CD36: variants seen among roughly 807,000 people sequenced by gnomAD.
CD36 encodes the protein platelet glycoprotein 4.
Under a neutral mutation model 55.2 loss-of-function variants are expected in CD36, and 119 were observed. The observed-to-expected ratio is 2.15, with a 90% CI of 1.86 to 2.51. The LOEUF (loss-of-function observed/expected upper bound fraction) is 2.51, where lower values mean the gene tolerates loss of function less well. Among genes scored for constraint, CD36 ranks in the 30% most tolerant of loss-of-function variants. CD36 has a pLI of 0.00. For missense variants in CD36, 819 were observed against 555.5 expected (o/e 1.47, Z -4.77); for synonymous variants, 186 against 193.6 (o/e 0.96, Z 0.33).
chr7:80,663,200 T>C, intron 6 of CD36, 31 bp downstream of exon 6: 1 of 1,542,474 alleles, frequency 6.5e-7, no homozygotes, highest in Non-Finnish European at 9.0e-7. Context: ...GCAATATTAT[T>C]ACATTTTAAT....
Position 80,656,549 on chromosome 7 carries a change from C to A in CD36, c.130C>A (p.Leu44Ile). ...ATTTTCTTTTTCATAGCAAGTTGTCCTCGAAGAAGGTACAATTGCTTTTAA... is the reference window on the plus strand; with the variant it reads ...ATTTTCTTTTTCATAGCAAGTTGTCATCGAAGAAGGTACAATTGCTTTTAA... ...IQKTIKKQVVLEEGTIAFKNW... is the reference protein window; with the variant it reads ...IQKTIKKQVVIEEGTIAFKNW... Residue 44 changes from leucine (L) to isoleucine (I), a missense_variant, in exon 4 of 15, where the codon CTC becomes ATC. Transcript: ENST00000447544. The A allele has an allele frequency of 6.2e-7, 1 of 1,613,400 alleles. No individual in the cohort carries two copies. The highest frequency in any genetic ancestry group is 1.1e-5 in the South Asian group (1 of 91,048).
intron 13 of CD36, 25 bp from the exon 14 acceptor site, chr7:80,673,958 A>G: frequency 6.3e-7 from 1 of 1,595,010 alleles, no homozygotes; most frequent in Non-Finnish European, 8.6e-7. Flanking sequence ...TACCCAAATA[A>G]TGTTGATTAT....
chr7:80,628,239 T>C (rs1793860517), intron 1 of CD36, among the ~76,000 whole-genome samples: 1 of 152,020 alleles, frequency 6.6e-6, no homozygotes, highest in Non-Finnish European at 1.5e-5. Flanking sequence ...CTATTAGGTA[T>C]CAGGCACTAT....
At chr7:80,661,965 C>T (rs1224632467) in intron 5 of CD36, among the ~76,000 whole-genome samples, 1 of 152,134 alleles carries the variant, frequency 6.6e-6, no homozygotes, top group Non-Finnish European at 1.5e-5. Context: ...GCATTTGGTG[C>T]TCACCATTCA....
Position 80,670,685 on chromosome 7 carries a change from CAAAT to C in CD36, c.819-288_819-285del, listed in dbSNP as rs529113900. The C allele has an allele frequency of 3.1e-4, 123 of 399,264 alleles. 1 individual carries two copies. The highest frequency in any genetic ancestry group is 8.8e-4 in the Admixed American group (21 of 23,838). The allele number at this position is 399,264 out of a possible 1,614,324, so 24.7% of individuals were successfully genotyped here. A position where few individuals can be genotyped will look rare whatever the true frequency, so the allele number is the denominator to read the frequency against. On this transcript the variant is annotated intron_variant, in intron 9 of 14. Coordinates refer to ENST00000447544, the MANE Select transcript of CD36 (RefSeq NM_001001548.3). ...GAAACTATTTCATTTAAACTGATCA[CAAAT>C]AAAGTATTTGAAGGAAGTCCTATAA...
Position 80,670,012 on chromosome 7 carries a change from G to A in CD36, c.808G>A (p.Asp270Asn), listed in dbSNP as rs756489185. The stretch of plus-strand genomic sequence containing the variant: ...CCAGGTATTGCAGTTCTTTTCTTCT[G>A]ATATTTGCAGGTAAGACAGATACTG... ...KSQVLQFFSS[D>N]ICRSIYAVFE... The change falls in exon 9 of 15, where the codon GAT becomes AAT. Residue 270 changes from aspartate (D) to asparagine (N), a missense_variant. Asp to Asn is a conservative substitution (Grantham distance 23). Transcript: ENST00000447544. 16 of 1,603,760 alleles carry A rather than the reference G, an allele frequency of 1.0e-5. No homozygotes were observed. In the Admixed American group the frequency reaches 1.5e-4, roughly 15 times the overall value.
rs1554344757 is a variant in CD36, at chr7:80,667,755, T to TG, written c.748+1266_748+1267insG. ...TGCAGGGGTTTTCTTTTGTTTTTTT[T>TG]TTTTTTTTTTTTTGAGACATAGTCT... On this transcript the variant is annotated intron_variant, in intron 8 of 14. Coordinates refer to ENST00000447544, the MANE Select transcript of CD36 (RefSeq NM_001001548.3). 2.0e-4 allele frequency among the ~76,000 whole-genome samples: 13 copies of TG among 65,602 alleles called. 1 individual carries two copies. The highest frequency in any genetic ancestry group is 5.8e-4 in the East Asian group (1 of 1,732). 43.0% of individuals were successfully genotyped at this position (65,602 alleles called of 152,430 possible). A position where few individuals can be genotyped will look rare whatever the true frequency, so the allele number is the denominator to read the frequency against.
chr7:80,673,881 A>AT, intron 13 of CD36, 102 bp from the exon 14 acceptor site: 1 of 854,588 alleles, frequency 1.2e-6, no homozygotes, highest in Non-Finnish European at 1.9e-6. Flanking sequence ...ACTGATGACT[A>AT]ACACCAATAG....
chr7:80,664,604 C>A, intron 7 of CD36, 107 bp downstream of exon 7: 1 of 749,830 alleles, frequency 1.3e-6, no homozygotes, highest in Non-Finnish European at 2.5e-6. Context: ...ATAGAACAGA[C>A]CTGGTTATAA....
chr7:80,663,226 G>T, intron 6 of CD36, 57 bp downstream of exon 6: 1 of 1,380,954 alleles, frequency 7.2e-7, no homozygotes, highest in Non-Finnish European at 1.0e-6. Context: ...TAATTCAATG[G>T]CATTGGCAAG....
In CD36 at chr7:80,663,174, G is replaced by A. The variant is rs1436645076; in HGVS notation, c.609+5G>A. ...ACAGTTGGTCTGTTTTATCCTGTAA[G>A]TACCAAATATGAATGGCAATATTAT... On this transcript the variant is annotated splice_donor_5th_base_variant and intron_variant, in intron 6 of 14. Coordinates refer to ENST00000447544, the MANE Select transcript of CD36 (RefSeq NM_001001548.3). 8 of 1,607,554 alleles carry A rather than the reference G, an allele frequency of 5.0e-6. No individual in the cohort carries two copies. The highest frequency in any genetic ancestry group is 6.8e-6 in the Non-Finnish European group (8 of 1,174,354).
At chr7:80,665,475 T>C (rs1022946386) in intron 7 of CD36, among the ~76,000 whole-genome samples, 4 of 105,020 alleles carry the variant, frequency 3.8e-5, no homozygotes, top group Non-Finnish European at 1.1e-4. Context: ...GAGTACTTTT[T>C]CTTCTAAAGA....
rs569608925 is a variant in CD36 at position 80,604,267 on chromosome 7, T to C, written c.-184+1888T>C. 2.7e-5 allele frequency among the ~76,000 whole-genome samples: 4 copies of C among 148,332 alleles called. No homozygotes were observed. In the South Asian group the frequency reaches 8.5e-4, roughly 31 times the overall value. The stretch of plus-strand genomic sequence containing the variant: ...ATTGCAAACAGATATAAGTGTGCAA[T>C]GAATATAAAAAGAATATAGTTGAGT... On this transcript the variant is annotated intron_variant, in intron 1 of 13. Transcript: ENST00000309881.
rs779971623 is a variant in CD36, at chr7:80,664,504, A to G, written c.701+7A>G. On this transcript the variant is annotated splice_region_variant and intron_variant, in intron 7 of 14. Coordinates refer to ENST00000447544, the MANE Select transcript of CD36 (RefSeq NM_001001548.3). Reference sequence around the variant, plus strand: ...ACACATATAAAGGTAAAAGGTAAGTATTCTGGTAAAATGTGCATGTATGTT... The same window carrying G: ...ACACATATAAAGGTAAAAGGTAAGTGTTCTGGTAAAATGTGCATGTATGTT... 2 of 1,439,246 alleles carry G rather than the reference A, an allele frequency of 1.4e-6. No homozygotes were observed. Among genetic ancestry groups the G allele is most frequent in the South Asian group, 1.1e-5 (1 of 87,494 alleles). 89.2% of individuals were successfully genotyped at this position (1,439,246 alleles called of 1,614,324 possible). A position where few individuals can be genotyped will look rare whatever the true frequency, so the allele number is the denominator to read the frequency against.
intron 2 of CD36, 42 bp from the exon 3 acceptor site, chr7:80,646,610 T>C: frequency 9.3e-7 from 1 of 1,078,276 alleles, no homozygotes; most frequent in Non-Finnish European, 1.4e-6. Context: ...CTTTTTGTAC[T>C]GATATTTAAG....
At chr7:80,637,336 G>A (rs560842658), upstream of CD36, among the ~76,000 whole-genome samples, 3 of 151,300 alleles carry the variant, frequency 2.0e-5, no homozygotes, top group African/African-American at 7.3e-5. Flanking sequence ...TTATTTAAGG[G>A]AATTACCTTC....
At chr7:80,656,888 T>G (rs1457274625) in intron 4 of CD36, among the ~76,000 whole-genome samples, 188 bp downstream of exon 4, 1 of 152,098 alleles carries the variant, frequency 6.6e-6, no homozygotes, top group African/African-American at 2.4e-5. Context: ...AGGTATTTAT[T>G]TTGAAAAAAG....
intron 1 of CD36, among the ~76,000 whole-genome samples, chr7:80,640,608 T>C (rs1310607456): frequency 5.9e-5 from 9 of 151,934 alleles, no homozygotes; most frequent in Non-Finnish European, 8.8e-5. Flanking sequence ...CTGTTTATAG[T>C]AGAATTTGGG....
chr7:80,644,636 G>A (rs2116364160), intron 1 of CD36, among the ~76,000 whole-genome samples: 1 of 152,188 alleles, frequency 6.6e-6, no homozygotes, highest in Middle Eastern at 3.4e-3. Context: ...TTACTAAAGT[G>A]GAAGTAAATA....
Sources: gnomAD v4.1 joint callset for allele counts (sites outside exome capture counted in the v4.1 genomes callset) on GRCh38, gnomAD v4.1.1 for gene constraint, MANE v1.5 for transcripts, NCBI Gene and HGNC (gene_info 2026-07-23, HGNC 2026-07-21) for gene names.